The following NRXN1 variants were observed in gnomAD, a reference collection of about 807,000 sequenced individuals.
NRXN1 encodes neurexin-1.
In NRXN1, 39 loss-of-function variants were observed where a neutral mutation model predicts 150.9. That is an observed-to-expected ratio of 0.26 (90% CI 0.20 to 0.34). The LOEUF is 0.34. Ranked by LOEUF, NRXN1 falls within the 10% of genes least tolerant of loss-of-function variation. The probability of loss-of-function intolerance (pLI) is 1.00; values close to 1 mark genes in which losing one functional copy is unlikely to be tolerated. For missense variants in NRXN1, 1,815 were observed against 1,949.9 expected (o/e 0.93, Z 1.30); for synonymous variants, 924 against 757.0 (o/e 1.22, Z -3.62).
chr2:50,736,527 C>T (rs998095658), intron 5 of NRXN1, among the ~76,000 whole-genome samples: 29 of 152,070 alleles, frequency 1.9e-4, no homozygotes, highest in South Asian at 2.1e-4. Context: ...TGTTATAGGG[C>T]GGACCTGGTG....
At chr2:50,203,634 G>T (rs1228386644) in intron 18 of NRXN1, among the ~76,000 whole-genome samples, 1 of 152,196 alleles carries the variant, frequency 6.6e-6, no homozygotes, top group Admixed American at 6.5e-5. Flanking sequence ...CTATCACAAT[G>T]TTGTACAAGT....
chr2:50,308,867 A>G (rs1194826400), intron 17 of NRXN1, among the ~76,000 whole-genome samples: 5 of 152,136 alleles, frequency 3.3e-5, no homozygotes, highest in African/African-American at 1.2e-4. Context: ...GTGACCTTTA[A>G]ATGGGTTAAT....
intron 17 of NRXN1, among the ~76,000 whole-genome samples, chr2:50,318,062 A>G (rs376876426): frequency 5.9e-5 from 9 of 152,122 alleles, no homozygotes; most frequent in Non-Finnish European, 7.4e-5. Context: ...TTCCAGTCAC[A>G]TACTAGAAGA....
intron 17 of NRXN1, among the ~76,000 whole-genome samples, chr2:50,429,063 T>G (rs2104348616): frequency 6.6e-6 from 1 of 152,244 alleles, no homozygotes; most frequent in East Asian, 1.9e-4. Context: ...ATTTTTGCCA[T>G]ACACATTTTT....
At chr2:50,210,945 C>G (rs2062970846) in intron 18 of NRXN1, among the ~76,000 whole-genome samples, 1 of 151,592 alleles carries the variant, frequency 6.6e-6, no homozygotes, top group East Asian at 1.9e-4. Flanking sequence ...TTAATCAAGT[C>G]TAAATAATGG....
chr2:50,681,183 T>C (rs566377350), intron 5 of NRXN1, among the ~76,000 whole-genome samples: 3 of 152,280 alleles, frequency 2.0e-5, no homozygotes, highest in African/African-American at 7.2e-5. Flanking sequence ...TGTACACTAT[T>C]GGCCCCACCT....
At chr2:50,196,425 T>C (rs1343795304) in intron 18 of NRXN1, among the ~76,000 whole-genome samples, 1 of 152,164 alleles carries the variant, frequency 6.6e-6, no homozygotes, top group East Asian at 1.9e-4. Context: ...CATCAAATTT[T>C]ATTTATGTTT....
intron 5 of NRXN1, among the ~76,000 whole-genome samples, chr2:50,654,902 C>T (rs1257734625): frequency 6.6e-6 from 1 of 151,988 alleles, no homozygotes; most frequent in Non-Finnish European, 1.5e-5. Context: ...AAGGTTCAAA[C>T]GATGCTTAAA....
At chr2:50,276,717 C>T (rs115940060) in intron 17 of NRXN1, among the ~76,000 whole-genome samples, 1,877 of 152,290 alleles carry the variant, frequency 0.012, 20 homozygotes, top group Non-Finnish European at 0.02. Flanking sequence ...CTTTCTCTAA[C>T]AGACATGTTG....
chr2:50,076,510 A>C (rs1697124185), intron 19 of NRXN1, among the ~76,000 whole-genome samples: 2 of 152,328 alleles, frequency 1.3e-5, no homozygotes, highest in South Asian at 4.1e-4. Flanking sequence ...CCCACTTTTT[A>C]GATTAGGAAA....
At chr2:50,010,595 A>AG (rs544146532) in intron 21 of NRXN1, among the ~76,000 whole-genome samples, 30 of 152,236 alleles carry the variant, frequency 2.0e-4, no homozygotes, top group African/African-American at 7.2e-4. Flanking sequence ...ATTCTCTCTC[A>AG]GGAGTGCAGA....
At chr2:50,925,656 G>T (rs760575268) in intron 3 of NRXN1, among the ~76,000 whole-genome samples, 16 of 151,884 alleles carry the variant, frequency 1.1e-4, no homozygotes, top group Non-Finnish European at 1.9e-4. Flanking sequence ...AAGCAGAATT[G>T]TTATCATTTT....
chr2:50,238,569 T>C (rs1402831922), intron 17 of NRXN1, among the ~76,000 whole-genome samples: 1 of 152,100 alleles, frequency 6.6e-6, no homozygotes, highest in East Asian at 1.9e-4. Flanking sequence ...AAGTTGTGTG[T>C]ACAGCAGTAT....
intron 17 of NRXN1, among the ~76,000 whole-genome samples, chr2:50,436,434 C>T (rs1336399246): frequency 1.4e-5 from 2 of 142,532 alleles, no homozygotes; most frequent in African/African-American, 2.6e-5. Context: ...GCCTGGGCAA[C>T]AAGAGTGAAA....
intron 17 of NRXN1, among the ~76,000 whole-genome samples, 158 bp from the exon 18 acceptor site, chr2:50,237,128 C>A (rs2065525986): frequency 6.6e-6 from 1 of 151,972 alleles, no homozygotes; most frequent in African/African-American, 2.4e-5. Context: ...AGAAAGTGGA[C>A]CAAGTTGTTT....
chr2:50,725,251 A>C (rs1197673234), intron 5 of NRXN1, among the ~76,000 whole-genome samples: 1 of 152,064 alleles, frequency 6.6e-6, no homozygotes, highest in African/African-American at 2.4e-5. Context: ...TATTATCAAA[A>C]ATAAAGTTCT....
intron 8 of NRXN1, among the ~76,000 whole-genome samples, chr2:50,564,002 T>C (rs1669496170): frequency 6.6e-6 from 1 of 152,238 alleles, no homozygotes; most frequent in African/African-American, 2.4e-5. Context: ...AGTAGACTTG[T>C]TCCTGAGAAG....
intron 2 of NRXN1, among the ~76,000 whole-genome samples, chr2:50,926,264 C>G (rs934726441): frequency 6.6e-6 from 1 of 151,900 alleles, no homozygotes; most frequent in Admixed American, 6.6e-5. Context: ...CTGGTGTGGT[C>G]TTTCTAGGCA....
In NRXN1 at chr2:50,497,580, C is replaced by A. The variant is rs1371802200; in HGVS notation, c.2632G>T (p.Ala878Ser). 6.2e-7 allele frequency: 1 copy of A among 1,613,750 alleles called. No homozygotes were observed. Among genetic ancestry groups the A allele is most frequent in the Non-Finnish European group, 8.5e-7 (1 of 1,179,852 alleles). ...CCATTTTTACACAGGTCAATGTATG[C>A]CATTCCATTAAATGTCAAGCTCTGC... ...HLQSLTFNGM[A>S]YIDLCKNGDI... Residue 878 changes from alanine to serine, a missense_variant, in exon 14 of 23, where the codon GCA (alanine) becomes TCA (serine). By Grantham distance (99) the Ala-to-Ser change is moderately conservative. Around this residue, in one of 6 missense-constraint regions of NRXN1, gnomAD observed 638 missense variants for 652.6 expected, o/e 0.98. Coordinates refer to ENST00000401669, the MANE Select transcript of NRXN1 (RefSeq NM_001330078.2).
Sources: allele counts gnomAD v4.1 joint callset (sites outside exome capture counted in the v4.1 genomes callset), GRCh38; gene constraint gnomAD v4.1.1; regional missense constraint gnomAD v4.1.1; transcripts MANE v1.5; gene names NCBI Gene and HGNC (gene_info 2026-07-23, HGNC 2026-07-21).